The following CANX variants were observed in gnomAD, a reference collection of about 807,000 sequenced individuals.
CANX encodes the protein epididymis secretory sperm binding protein.
In CANX, 14 loss-of-function variants were observed where a neutral mutation model predicts 75.7. The ratio of observed to expected loss-of-function variants is 0.19; its 90% CI spans 0.12 to 0.29. The LOEUF (loss-of-function observed/expected upper bound fraction) is 0.29. Among genes scored for constraint, CANX ranks in the 10% least tolerant of loss-of-function variants. CANX has a pLI of 1.00. For synonymous variants in CANX, 227 were observed against 236.9 expected, an observed-to-expected ratio of 0.96 and a Z score of 0.38; for missense variants, 567 against 713.2, an observed-to-expected ratio of 0.79 and a Z score of 2.34.
At chr5:179,694,693 G>C (rs746268542), upstream of CANX, 2 of 715,504 alleles carry the variant, frequency 2.8e-6, no homozygotes, top group African/African-American at 3.5e-5. Flanking sequence ...GGCTCAAAGC[G>C]TCCTGCTAAA....
chr5:179,708,113 T>C (rs2113151908), intron 4 of CANX, 126 bp from the exon 5 acceptor site: 1 of 716,516 alleles, frequency 1.4e-6, no homozygotes. Context: ...GCTGGGATTA[T>C]AGGTGTGAGC....
At chr5:179,723,805 A>G (rs1363146455) in intron 12 of CANX, 26 bp downstream of exon 12, 1 of 1,571,906 alleles carries the variant, frequency 6.4e-7, no homozygotes, top group South Asian at 1.2e-5. Flanking sequence ...TTTTAGAATC[A>G]ATTTTAGAGA....
intron 1 of CANX, among the ~76,000 whole-genome samples, chr5:179,688,835 A>G (rs1776242347): frequency 6.6e-6 from 1 of 151,614 alleles, no homozygotes; most frequent in Non-Finnish European, 1.5e-5. Flanking sequence ...AATTAGCCAG[A>G]GTGCTCCAGG....
chr5:179,726,694 A>G lies in CANX; in HGVS notation c.1660A>G (p.Ser554Gly). Reference protein sequence around the residue: ...GEEKLEEKQKSDAEEDGGTVS... With the variant: ...GEEKLEEKQKGDAEEDGGTVS... The stretch of plus-strand genomic sequence containing the variant: ...TTCTGTCTTAGAAGAGAAACAGAAA[A>G]GTGATGCTGAAGAAGATGGTGGCAC... Residue 554 changes from serine (S) to glycine (G), a missense_variant, in exon 14 of 15, where the codon AGT (serine) becomes GGT (glycine). Transcript: ENST00000247461. The G allele has an allele frequency of 6.2e-7, 1 of 1,613,204 alleles. No individual in the cohort carries two copies. The highest frequency in any genetic ancestry group is 8.5e-7 in the Non-Finnish European group (1 of 1,179,128).
chr5:179,705,619 G>A, intron 1 of CANX, 60 bp from the exon 2 acceptor site: 1 of 1,221,654 alleles, frequency 8.2e-7, no homozygotes, highest in Non-Finnish European at 1.2e-6. Context: ...AGTGGTTAGT[G>A]ATCTTCATGA....
exon 1 of CANX, chr5:179,678,776 A>T (rs1775969738): frequency 6.5e-7 from 1 of 1,537,038 alleles, no homozygotes; most frequent in Middle Eastern, 1.7e-4. Flanking sequence ...CTGCAGCTTC[A>T]GGTAGTTGTT....
At chr5:179,715,824 G>GTTTTT in intron 7 of CANX, 1 of 356,210 alleles carries the variant, frequency 2.8e-6, no homozygotes. Flanking sequence ...TGTTTTTTTT[G>GTTTTT]TTTTTTTTTT....
At chr5:179,720,147 A>G (rs1378527017) in intron 9 of CANX, among the ~76,000 whole-genome samples, 1 of 152,134 alleles carries the variant, frequency 6.6e-6, no homozygotes, top group East Asian at 1.9e-4. Context: ...ACCTGTTTTT[A>G]TTGAAGTCAA....
intron 8 of CANX, among the ~76,000 whole-genome samples, chr5:179,718,429 G>T (rs1778104150): frequency 6.6e-6 from 1 of 152,118 alleles, no homozygotes; most frequent in African/African-American, 2.4e-5. Context: ...CACCATGTTG[G>T]CCAGGATGGT....
chr5:179,681,112 A>G, intron 1 of CANX: 2 of 579,388 alleles, frequency 3.5e-6, no homozygotes, highest in Non-Finnish European at 6.3e-6. Context: ...ACCCCAGGAC[A>G]AGAAGGGGTG....
intron 8 of CANX, among the ~76,000 whole-genome samples, chr5:179,717,523 C>T (rs756136073): frequency 1.6e-4 from 25 of 152,112 alleles, no homozygotes; most frequent in Non-Finnish European, 2.4e-4. Flanking sequence ...CCAGGTTTAT[C>T]TGTGTTGAAG....
At chr5:179,682,798 G>A (rs1479930911) in intron 1 of CANX, among the ~76,000 whole-genome samples, 2 of 152,048 alleles carry the variant, frequency 1.3e-5, no homozygotes, top group Non-Finnish European at 2.9e-5. Context: ...GGGACAGGGT[G>A]AGGAGTAGGA....
rs6639 is a variant in CANX, at chr5:179,729,781, G to T, written c.*1137G>T. 42,541 of 152,450 alleles carry T rather than the reference G, an allele frequency of 0.28. 6,278 individuals carry two copies. The highest frequency in any genetic ancestry group is 0.34 in the Non-Finnish European group (22,848 of 67,974). 9.4% of individuals were successfully genotyped at this position (152,450 alleles called of 1,614,324 possible). ...TTTCTTTTACTCTGTGTAAAGACTTGAGAAGTCTAATTCACAGGCAAACCA... is the reference window on the plus strand; with the variant it reads ...TTTCTTTTACTCTGTGTAAAGACTTTAGAAGTCTAATTCACAGGCAAACCA... On this transcript the variant is annotated 3_prime_UTR_variant, in exon 15 of 15. Coordinates refer to ENST00000247461, the MANE Select transcript of CANX (RefSeq NM_001746.4).
rs144513282 is a variant in CANX at position 179,722,885 on chromosome 5, A to C, written c.1264A>C (p.Ile422Leu). 6.2e-7 allele frequency: 1 copy of C among 1,613,598 alleles called. No homozygotes were observed. Among genetic ancestry groups the C allele is most frequent in the South Asian group, 1.1e-5 (1 of 91,078 alleles). ...TTTCAGAATGACTCCTTTTAGTGCTATTGGTTTGGAGCTGTGGTCCATGAC... is the reference window on the plus strand; with the variant it reads ...TTTCAGAATGACTCCTTTTAGTGCTCTTGGTTTGGAGCTGTGGTCCATGAC... ...EPFRMTPFSA[I>L]GLELWSMTSD... The change falls in exon 11 of 15, where the codon ATT becomes CTT. Residue 422 changes from isoleucine to leucine, a missense_variant. Coordinates refer to ENST00000247461, the MANE Select transcript of CANX (RefSeq NM_001746.4).
chr5:179,721,986 G>T (rs796162565), intron 10 of CANX, among the ~76,000 whole-genome samples: 6 of 152,116 alleles, frequency 3.9e-5, no homozygotes, highest in African/African-American at 1.4e-4. Flanking sequence ...TTATGTGAAT[G>T]TATTTTTAAT....
intron 1 of CANX, among the ~76,000 whole-genome samples, chr5:179,705,168 T>A (rs1777042620): frequency 6.6e-6 from 1 of 152,166 alleles, no homozygotes; most frequent in African/African-American, 2.4e-5. Context: ...GTATTTTTAG[T>A]AGAGAAGAGT....
intron 6 of CANX, 76 bp from the exon 7 acceptor site, chr5:179,709,797 A>G (rs908787759): frequency 2.2e-6 from 2 of 905,914 alleles, no homozygotes; most frequent in African/African-American, 1.7e-5. Flanking sequence ...AAGAGGAATT[A>G]TCATACACTT....
upstream of CANX, among the ~76,000 whole-genome samples, chr5:179,695,202 C>G (rs1776372663): frequency 6.6e-6 from 1 of 151,396 alleles, no homozygotes; most frequent in Admixed American, 6.6e-5. Context: ...GGCACCCGCC[C>G]CACACCCGGC....
chr5:179,693,065 G>A (rs1231121969), intron 1 of CANX, among the ~76,000 whole-genome samples: 1 of 143,680 alleles, frequency 7.0e-6, no homozygotes, highest in Admixed American at 7.5e-5. Flanking sequence ...AGAATCATGT[G>A]AACTCGGAGG....
Sources: allele counts gnomAD v4.1 joint callset (sites outside exome capture counted in the v4.1 genomes callset), GRCh38; gene constraint gnomAD v4.1.1; transcripts MANE v1.5; gene names NCBI Gene and HGNC (gene_info 2026-07-23, HGNC 2026-07-21).